Variants in FGGY observed in about 807,000 individuals in gnomAD.
FGGY encodes FGGY carbohydrate kinase domain-containing protein.
Under a neutral mutation model 71.3 loss-of-function variants are expected in FGGY, and 72 were observed. That is an observed-to-expected ratio of 1.01 (90% CI 0.84 to 1.23). The LOEUF (loss-of-function observed/expected upper bound fraction) is 1.23. FGGY is among the 50% of genes most tolerant of loss of function. The probability of loss-of-function intolerance (pLI) is 0.00; values close to 1 mark genes in which losing one functional copy is unlikely to be tolerated. For synonymous variants in FGGY, 251 were observed against 250.3 expected (o/e 1.00, Z -0.02); for missense variants, 668 against 682.3 (o/e 0.98, Z 0.23).
intron 5 of FGGY, among the ~76,000 whole-genome samples, chr1:59,425,424 A>C (rs1007696736): frequency 2.0e-5 from 3 of 152,006 alleles, no homozygotes; most frequent in South Asian, 4.2e-4. Context: ...TGTCTGATAT[A>C]TAGATCTCGC....
At chr1:59,479,990 G>T (rs1420119065) in intron 6 of FGGY, among the ~76,000 whole-genome samples, 1 of 152,056 alleles carries the variant, frequency 6.6e-6, no homozygotes, top group Non-Finnish European at 1.5e-5. Flanking sequence ...TCAGTCTTAG[G>T]CTCCAAATAC....
At chr1:59,612,452 A>G (rs12731817) in intron 9 of FGGY, among the ~76,000 whole-genome samples, 15,168 of 152,184 alleles carry the variant, frequency 0.1, 870 homozygotes, top group South Asian at 0.29. Context: ...ATACTGAGAG[A>G]TTTTGTCACC....
chr1:59,508,365 G>A (rs183674909), intron 6 of FGGY, among the ~76,000 whole-genome samples: 1 of 152,328 alleles, frequency 6.6e-6, no homozygotes, highest in African/African-American at 2.4e-5. Flanking sequence ...TTTCTGAAAT[G>A]TTTGTTAAAA....
At chr1:59,547,428 A>G (rs1326368680) in intron 7 of FGGY, among the ~76,000 whole-genome samples, 1 of 152,012 alleles carries the variant, frequency 6.6e-6, no homozygotes, top group Non-Finnish European at 1.5e-5. Flanking sequence ...GCTTCTGTGA[A>G]CTCCACGAGA....
intron 14 of FGGY, among the ~76,000 whole-genome samples, chr1:59,693,683 A>G (rs2097618606): frequency 6.6e-6 from 1 of 151,968 alleles, no homozygotes; most frequent in Non-Finnish European, 1.5e-5. Flanking sequence ...AGGAGGAGGA[A>G]GAGCAGTTGA....
At chr1:59,353,602 A>T (rs1265590635) in intron 4 of FGGY, among the ~76,000 whole-genome samples, 1 of 152,174 alleles carries the variant, frequency 6.6e-6, no homozygotes, top group African/African-American at 2.4e-5. Context: ...AGTACCTTCT[A>T]CTTGTTTCCC....
At chr1:59,320,050 T>A (rs1055924548) in intron 1 of FGGY, among the ~76,000 whole-genome samples, 1 of 152,158 alleles carries the variant, frequency 6.6e-6, no homozygotes, top group Non-Finnish European at 1.5e-5. Context: ...CCAAGGGGAA[T>A]GTAAGCAAGG....
In FGGY at chr1:59,402,716, A is replaced by T. The variant is rs77806687; in HGVS notation, c.554+23879A>T. ...ACACTGAGCCTTGAGACAGGGTAGC[A>T]GCTCTGTGGTTCAGAGTGACTGGTC... On this transcript the variant is annotated intron_variant, in intron 5 of 15. Coordinates refer to ENST00000303721, the MANE Select transcript of FGGY (RefSeq NM_018291.5). Among the ~76,000 whole-genome samples the T allele has an allele frequency of 2.3e-3, 344 of 152,266 alleles. 1 individual carries two copies. The highest frequency in any genetic ancestry group is 8.1e-3 in the African/African-American group (337 of 41,544).
intron 8 of FGGY, among the ~76,000 whole-genome samples, chr1:59,556,376 G>A (rs2095686489): frequency 6.6e-6 from 1 of 152,094 alleles, no homozygotes; most frequent in South Asian, 2.1e-4. Context: ...TCTTAATGGA[G>A]ATGAGGCTGG....
chr1:59,651,969 A>ATTTT, intron 11 of FGGY, among the ~76,000 whole-genome samples: 1 of 150,874 alleles, frequency 6.6e-6, no homozygotes, highest in Non-Finnish European at 1.5e-5. Context: ...ATCTCTCAGC[A>ATTTT]TTTGCTTGTC....
chr1:59,340,758 ATAAT>A lies in FGGY; in HGVS notation c.313+694_313+697del, dbSNP rs2050504192. On this transcript the variant is annotated intron_variant, in intron 3 of 15. Coordinates refer to ENST00000303721, the MANE Select transcript of FGGY (RefSeq NM_018291.5). Reference sequence around the variant, plus strand: ...GAAAGTCTATTAATATATTAATGTAATAATTAATACATTAGTCAGATGGGTAATG... The same window carrying A: ...GAAAGTCTATTAATATATTAATGTAATAATACATTAGTCAGATGGGTAATG... Among the ~76,000 whole-genome samples the A allele has an allele frequency of 5.9e-5, 9 of 152,328 alleles. No individual in the cohort carries two copies. In the South Asian group the frequency reaches 1.9e-3, roughly 32 times the overall value.
At position 59,440,580 on chromosome 1, in the gene FGGY, T is replaced by C. The variant is rs147907905; in HGVS notation, c.555-16381T>C. ...CAAAGAAGACATCAGTGATAACTAT[T>C]GATTCAGTAAATATTAAACATCTAC... is the stretch of plus-strand genomic sequence containing the variant. On this transcript the variant is annotated intron_variant, in intron 5 of 15. Transcript: ENST00000303721. Among the ~76,000 whole-genome samples, 34 of 151,158 alleles carry C rather than the reference T, an allele frequency of 2.2e-4. No individual in the cohort carries two copies. The East Asian group carries it at 6.0e-3, about 27-fold the overall frequency.
chr1:59,519,421 G>C (rs890460311), intron 7 of FGGY, among the ~76,000 whole-genome samples: 2 of 152,130 alleles, frequency 1.3e-5, no homozygotes, highest in African/African-American at 4.8e-5. Flanking sequence ...CTTGTGCCGT[G>C]TATGGAAGGC....
At chr1:59,484,378 A>G (rs1290667111) in intron 6 of FGGY, among the ~76,000 whole-genome samples, 2 of 151,978 alleles carry the variant, frequency 1.3e-5, no homozygotes, top group Non-Finnish European at 2.9e-5. Context: ...CTTTTCTATT[A>G]TGGTCCACCT....
chr1:59,483,325 C>A (rs1164822939), intron 6 of FGGY, among the ~76,000 whole-genome samples: 1 of 152,128 alleles, frequency 6.6e-6, no homozygotes, highest in Non-Finnish European at 1.5e-5. Context: ...ACTGAGTATA[C>A]CCTTTGCAGA....
intron 1 of FGGY, among the ~76,000 whole-genome samples, chr1:59,305,928 G>A (rs1469612675): frequency 6.6e-6 from 1 of 152,130 alleles, no homozygotes; most frequent in Non-Finnish European, 1.5e-5. Context: ...TAGCCTTTTT[G>A]TTCTCCACAG....
intron 10 of FGGY, among the ~76,000 whole-genome samples, chr1:59,631,151 T>G (rs752946498): frequency 1.6e-4 from 24 of 152,344 alleles, no homozygotes; most frequent in Non-Finnish European, 3.1e-4. Context: ...TTCTGGAATG[T>G]CACCCTGTCT....
chr1:59,334,183 C>T (rs4912212), intron 2 of FGGY, among the ~76,000 whole-genome samples: 17 of 152,220 alleles, frequency 1.1e-4, no homozygotes, highest in Admixed American at 1.0e-3. Context: ...CATTCTGTCG[C>T]CCAGGCTGGA....
chr1:59,672,603 G>T (rs946346504), intron 13 of FGGY, among the ~76,000 whole-genome samples: 10 of 152,188 alleles, frequency 6.6e-5, no homozygotes, highest in Non-Finnish European at 1.2e-4. Context: ...CCAGTTGAGA[G>T]CTGGTATTCC....
Sources: gnomAD v4.1 joint callset for allele counts (sites outside exome capture counted in the v4.1 genomes callset) on GRCh38, gnomAD v4.1.1 for gene constraint, MANE v1.5 for transcripts, NCBI Gene and HGNC (gene_info 2026-07-23, HGNC 2026-07-21) for gene names.